ADPGK: variants seen among roughly 807,000 people sequenced by gnomAD.
ADPGK encodes ADP dependent glucokinase.
In ADPGK, 26 loss-of-function variants were observed where a neutral mutation model predicts 42.4. The observed-to-expected ratio is 0.61, with a 90% CI of 0.45 to 0.85. The LOEUF is 0.85. Ranked by LOEUF, ADPGK falls within the 40% of genes least tolerant of loss-of-function variation. ADPGK has a pLI of 0.00. For missense variants in ADPGK, 571 were observed against 627.0 expected (o/e 0.91, Z 0.95); for synonymous variants, 267 against 252.6 (o/e 1.06, Z -0.54).
intron 1 of ADPGK, among the ~76,000 whole-genome samples, chr15:72,780,535 C>G (rs1215388405): frequency 6.6e-6 from 1 of 152,160 alleles, no homozygotes; most frequent in Non-Finnish European, 1.5e-5. Flanking sequence ...GGAATCACAG[C>G]TGTAATTCCA....
chr15:72,773,246 G>GTAGA lies in ADPGK; in HGVS notation c.460-1405_460-1402dup, dbSNP rs752870679. Among the ~76,000 whole-genome samples the GTAGA allele has an allele frequency of 1.7e-4, 26 of 152,290 alleles. No homozygotes were observed. In the East Asian group the frequency reaches 2.5e-3, roughly 15 times the overall value. On this transcript the variant is annotated intron_variant, in intron 2 of 6. Coordinates refer to ENST00000456471, the MANE Select transcript of ADPGK (RefSeq NM_001365225.1). ...AGGTTGGAGTAAACAATTCTAGATG[G>GTAGA]TAGACATCACTCTTATCCCAATTTT...
chr15:72,761,700 ATTT>A (rs36022165), intron 3 of ADPGK, among the ~76,000 whole-genome samples: 5 of 142,922 alleles, frequency 3.5e-5, no homozygotes, highest in East Asian at 4.1e-4. Flanking sequence ...CTGCTTCATG[ATTT>A]TTTTTTTTTT....
intron 1 of ADPGK, among the ~76,000 whole-genome samples, chr15:72,782,444 G>A (rs1719379387): frequency 6.8e-6 from 1 of 147,218 alleles, no homozygotes; most frequent in Non-Finnish European, 1.5e-5. Context: ...AGGATCTCTT[G>A]AGCTCGGGAG....
intron 3 of ADPGK, among the ~76,000 whole-genome samples, chr15:72,771,031 T>A (rs1041699435): frequency 6.6e-6 from 1 of 152,208 alleles, no homozygotes; most frequent in Non-Finnish European, 1.5e-5. Flanking sequence ...TCTTCTTTGT[T>A]CCCCATGTAT....
At chr15:72,778,333 A>C (rs2066415212) in intron 1 of ADPGK, among the ~76,000 whole-genome samples, 2 of 152,152 alleles carry the variant, frequency 1.3e-5, no homozygotes, top group Non-Finnish European at 2.9e-5. Flanking sequence ...TAATACTTTA[A>C]CCAGAATAAG....
chr15:72,771,272 T>C (rs2066326172), intron 3 of ADPGK, among the ~76,000 whole-genome samples: 3 of 152,214 alleles, frequency 2.0e-5, no homozygotes, highest in South Asian at 2.1e-4. Context: ...CTGACTCTCA[T>C]CTAGTGGCTT....
chr15:72,783,405 G>T, intron 1 of ADPGK, 54 bp downstream of exon 1: 1 of 1,313,718 alleles, frequency 7.6e-7, no homozygotes, highest in South Asian at 2.2e-5. Context: ...GGCTCCGCCC[G>T]ACCTCCAAGG....
intron 3 of ADPGK, among the ~76,000 whole-genome samples, chr15:72,765,831 A>C (rs2066251425): frequency 6.6e-6 from 1 of 152,236 alleles, no homozygotes; most frequent in Non-Finnish European, 1.5e-5. Context: ...TGGATGAACA[A>C]AGAAAGTGGC....
At chr15:72,759,435 A>T (rs183516643) in intron 4 of ADPGK, among the ~76,000 whole-genome samples, 1 of 152,316 alleles carries the variant, frequency 6.6e-6, no homozygotes, top group East Asian at 1.9e-4. Flanking sequence ...TTCAGACCCT[A>T]TCCTTCTTTA....
At chr15:72,754,152 C>T (rs2066083061) in intron 6 of ADPGK, among the ~76,000 whole-genome samples, 2 of 151,486 alleles carry the variant, frequency 1.3e-5, no homozygotes, top group African/African-American at 2.4e-5. Flanking sequence ...TGGCTTCAAC[C>T]AACTTCAGAT....
At chr15:72,769,318 T>C (rs892251109) in intron 3 of ADPGK, among the ~76,000 whole-genome samples, 4 of 152,188 alleles carry the variant, frequency 2.6e-5, no homozygotes, top group Admixed American at 6.5e-5. Context: ...CAAAATAAAA[T>C]AACTATTCCT....
intron 4 of ADPGK, chr15:72,758,425 ATGTGG>A: frequency 1.8e-5 from 8 of 451,330 alleles, no homozygotes; most frequent in African/African-American, 4.0e-5. Flanking sequence ...GTAAGAGAGA[ATGTGG>A]AAAAAAAAAT....
At chr15:72,760,643 G>T in intron 3 of ADPGK, 116 bp from the exon 4 acceptor site, 1 of 1,325,248 alleles carries the variant, frequency 7.5e-7, no homozygotes. Flanking sequence ...CAAAATATTG[G>T]AATCCAAATC....
At position 72,783,720 on chromosome 15, in the gene ADPGK, C is replaced by G; in HGVS notation, c.-29G>C. 1 of 1,438,176 alleles carries G rather than the reference C, an allele frequency of 7.0e-7. No homozygotes were observed. Among genetic ancestry groups the G allele is most frequent in the Non-Finnish European group, 9.1e-7 (1 of 1,101,472 alleles). The allele number at this position is 1,438,176 out of a possible 1,614,324, so 89.1% of individuals were successfully genotyped here. On this transcript the variant is annotated 5_prime_UTR_variant, in exon 1 of 7. Coordinates refer to ENST00000456471, the MANE Select transcript of ADPGK (RefSeq NM_001365225.1). ...GACCCAGGCGCCGCACCTGCGCGAA[C>G]CAACTCCTTTCCTAGCCCGCGCCTC...
intron 3 of ADPGK, among the ~76,000 whole-genome samples, chr15:72,761,236 A>C (rs1204082560): frequency 6.6e-6 from 1 of 151,986 alleles, no homozygotes. Flanking sequence ...TTCTTTACTC[A>C]CTCACACCTT....
At chr15:72,774,787 G>T in intron 2 of ADPGK, 85 bp downstream of exon 2, 1 of 1,286,914 alleles carries the variant, frequency 7.8e-7, no homozygotes. Flanking sequence ...AAACTGGAAT[G>T]AAAAGTTGCT....
chr15:72,766,461 G>C (rs1406658522), intron 3 of ADPGK, among the ~76,000 whole-genome samples: 1 of 152,188 alleles, frequency 6.6e-6, no homozygotes, highest in East Asian at 1.9e-4. Flanking sequence ...TCAACATCAA[G>C]GCAAAACACT....
At chr15:72,759,560 T>C (rs1427418830) in intron 4 of ADPGK, among the ~76,000 whole-genome samples, 16 of 152,232 alleles carry the variant, frequency 1.1e-4, no homozygotes, top group Admixed American at 1.0e-3. Flanking sequence ...TATCTTATGT[T>C]AAAGTTAATT....
At chr15:72,753,027 G>T in intron 6 of ADPGK, 132 bp from the exon 7 acceptor site, 1 of 864,544 alleles carries the variant, frequency 1.2e-6, no homozygotes, top group Non-Finnish European at 1.8e-6. Flanking sequence ...GGACTCCCTG[G>T]CCCTGAAGTC....
Sources: allele counts gnomAD v4.1 joint callset (sites outside exome capture counted in the v4.1 genomes callset), GRCh38; gene constraint gnomAD v4.1.1; transcripts MANE v1.5; gene names NCBI Gene and HGNC (gene_info 2026-07-23, HGNC 2026-07-21).